The following DNAH11 variants were observed in gnomAD, a reference collection of about 807,000 sequenced individuals.
DNAH11 encodes dynein axonemal heavy chain 11, also known as axonemal beta dynein heavy chain 11.
DNAH11 carries 442 observed loss-of-function variants against 526.0 expected under a neutral mutation model. The ratio of observed to expected loss-of-function variants is 0.84; its 90% CI spans 0.78 to 0.91. The LOEUF (loss-of-function observed/expected upper bound fraction) is 0.91, where lower values mean the gene tolerates loss of function less well. Among genes scored for constraint, DNAH11 ranks in the 40% least tolerant of loss-of-function variants. The probability of loss-of-function intolerance (pLI) is 0.00; values close to 1 mark genes in which losing one functional copy is unlikely to be tolerated. For synonymous variants in DNAH11, 2,461 were observed against 1,935.9 expected, an observed-to-expected ratio of 1.27 and a Z score of -7.12; for missense variants, 6,989 against 5,448.7, an observed-to-expected ratio of 1.28 and a Z score of -8.90.
At chr7:21,556,891 G>C (rs75710520) in intron 2 of DNAH11, among the ~76,000 whole-genome samples, 2 of 152,082 alleles carry the variant, frequency 1.3e-5, no homozygotes, top group Non-Finnish European at 2.9e-5. Flanking sequence ...GCAAAATCTC[G>C]TCTCTACTAA....
intron 42 of DNAH11, among the ~76,000 whole-genome samples, chr7:21,712,417 G>C (rs1413590413): frequency 1.3e-5 from 2 of 152,118 alleles, no homozygotes; most frequent in African/African-American, 4.8e-5. Flanking sequence ...TAGATCATAT[G>C]TTAATTCTAA....
chr7:21,849,745 C>G (rs537366879), intron 66 of DNAH11, among the ~76,000 whole-genome samples: 10 of 152,052 alleles, frequency 6.6e-5, no homozygotes, highest in African/African-American at 2.4e-4. Flanking sequence ...AAGATTTTGT[C>G]TTTGTCTTTG....
intron 28 of DNAH11, among the ~76,000 whole-genome samples, chr7:21,640,380 A>G (rs1787070078): frequency 6.6e-6 from 1 of 152,204 alleles, no homozygotes; most frequent in South Asian, 2.1e-4. Flanking sequence ...TGAGGGTAGC[A>G]GGTATTGTAT....
At position 21,842,685 on chromosome 7, in the gene DNAH11, T is replaced by C. The variant is rs377069345; in HGVS notation, c.10833T>C (p.Gly3611=). Residue 3611 remains glycine, a synonymous_variant, in exon 66 of 82, where the codon GGT becomes GGC. Coordinates refer to ENST00000409508, the MANE Select transcript of DNAH11 (RefSeq NM_001277115.2). The part of the protein sequence containing the change: ...TLLNFTVTED[G]LEAQLLAEVV... The stretch of plus-strand genomic sequence containing the variant: ...TCAATTTCACAGTCACAGAAGATGG[T>C]CTAGAAGCCCAGCTGCTGGCAGAGG... 14 of 1,613,822 alleles carry C rather than the reference T, an allele frequency of 8.7e-6. No individual in the cohort carries two copies. The highest frequency in any genetic ancestry group is 1.2e-5 in the Non-Finnish European group (14 of 1,179,804).
Position 21,558,931 on chromosome 7 carries a change from A to G in DNAH11, c.625A>G (p.Arg209Gly), listed in dbSNP as rs1426744584. The G allele has an allele frequency of 6.3e-7, 1 of 1,598,100 alleles. No individual in the cohort carries two copies. Among genetic ancestry groups the G allele is most frequent in the South Asian group, 1.1e-5 (1 of 88,128 alleles). ...MYIFRGKMSR[R>G]TLLPIPTVAG... The stretch of plus-strand genomic sequence containing the variant: ...TATTTTTAGGGGCAAAATGTCTAGA[A>G]GAACTCTTCTACCAATTCCCACTGT... The change falls in exon 3 of 82, where the codon AGA (arginine) becomes GGA (glycine). Residue 209 changes from arginine (R) to glycine (G), a missense_variant. Transcript: ENST00000409508.
intron 25 of DNAH11, among the ~76,000 whole-genome samples, chr7:21,631,650 A>G (rs913714056): frequency 3.3e-5 from 5 of 150,994 alleles, no homozygotes; most frequent in African/African-American, 1.2e-4. Context: ...CTTTGACTCC[A>G]TGTTTCACAT....
At chr7:21,724,227 A>C (rs113713446) in intron 44 of DNAH11, among the ~76,000 whole-genome samples, 54 of 152,364 alleles carry the variant, frequency 3.5e-4, no homozygotes, top group African/African-American at 1.3e-3. Flanking sequence ...TCCTGGCTCA[A>C]GACCAACTTT....
intron 57 of DNAH11, among the ~76,000 whole-genome samples, chr7:21,782,629 T>C (rs937792124): frequency 1.3e-5 from 2 of 152,186 alleles, no homozygotes; most frequent in South Asian, 2.1e-4. Flanking sequence ...AATGGCACTT[T>C]AGCAAGACGC....
Position 21,589,368 on chromosome 7 carries a change from A to G in DNAH11, c.2134A>G (p.Ile712Val), listed in dbSNP as rs1331759754. 9 of 1,608,950 alleles carry G rather than the reference A, an allele frequency of 5.6e-6. No homozygotes were observed. The highest frequency in any genetic ancestry group is 2.7e-5 in the African/African-American group (2 of 74,694). The change falls in exon 12 of 82, where the codon ATA (isoleucine) becomes GTA (valine). Residue 712 changes from isoleucine to valine, a missense_variant. Ile to Val is a conservative substitution (Grantham distance 29). Coordinates refer to ENST00000409508, the MANE Select transcript of DNAH11 (RefSeq NM_001277115.2). ...TCAACCCTTGGTTAAATTCAGTGCCATAAATGGTCTTCTCTGTGTCAATTT... is the reference window on the plus strand; with the variant it reads ...TCAACCCTTGGTTAAATTCAGTGCCGTAAATGGTCTTCTCTGTGTCAATTT... ...LNQPLVKFSA[I>V]NGLLCVNFDP...
chr7:21,710,715 C>G lies in DNAH11; in HGVS notation c.6834+12C>G, dbSNP rs1354093194. 2.5e-6 allele frequency: 4 copies of G among 1,605,454 alleles called. No homozygotes were observed. Among genetic ancestry groups the G allele is most frequent in the Non-Finnish European group, 3.4e-6 (4 of 1,176,060 alleles). On this transcript the variant is annotated intron_variant, in intron 41 of 81. Coordinates refer to ENST00000409508, the MANE Select transcript of DNAH11 (RefSeq NM_001277115.2). Reference sequence around the variant, plus strand: ...TGGATGATAACAAGGTGAATAAAACCTCTGTTCTCAACCTTAAATATAACA... The same window carrying G: ...TGGATGATAACAAGGTGAATAAAACGTCTGTTCTCAACCTTAAATATAACA...
intron 66 of DNAH11, chr7:21,851,220 G>A: frequency 4.6e-6 from 1 of 217,664 alleles, no homozygotes; most frequent in South Asian, 7.9e-5. Flanking sequence ...GTTCTCATAA[G>A]ATCTGATGGT....
intron 8 of DNAH11, among the ~76,000 whole-genome samples, chr7:21,579,137 C>T (rs62441677): frequency 0.22 from 33,079 of 152,124 alleles, 3,847 homozygotes; most frequent in African/African-American, 0.27. Flanking sequence ...GCCTTTTAGA[C>T]ACTAAGTCAA....
chr7:21,700,757 C>T (rs1188273726), intron 36 of DNAH11, among the ~76,000 whole-genome samples: 1 of 152,122 alleles, frequency 6.6e-6, no homozygotes, highest in Non-Finnish European at 1.5e-5. Context: ...GGTACATATA[C>T]ACCATGGAAT....
chr7:21,674,096 G>T (rs935543301), intron 30 of DNAH11, among the ~76,000 whole-genome samples: 3 of 151,250 alleles, frequency 2.0e-5, no homozygotes, highest in Admixed American at 1.3e-4. Context: ...GTTTCACCCT[G>T]TCGCCCAGGC....
At chr7:21,748,855 A>G (rs1012342869) in intron 52 of DNAH11, 113 bp downstream of exon 52, 3 of 1,097,892 alleles carry the variant, frequency 2.7e-6, no homozygotes, top group South Asian at 2.4e-5. Flanking sequence ...GGCCTCCCCA[A>G]CCACGGGAGA....
At chr7:21,648,408 A>T (rs567032287) in intron 28 of DNAH11, among the ~76,000 whole-genome samples, 2 of 152,254 alleles carry the variant, frequency 1.3e-5, no homozygotes, top group African/African-American at 4.8e-5. Context: ...AAGCTTGAAA[A>T]TTTTTTGTAT....
At position 21,606,762 on chromosome 7, in the gene DNAH11, C is replaced by T. The variant is rs180916870; in HGVS notation, c.3852+29C>T. On this transcript the variant is annotated intron_variant, in intron 20 of 81. Transcript: ENST00000409508. Reference sequence around the variant, plus strand: ...ATACAGATCTCAAATATCCTGTGTGCATTAAAATAGCTACTTTAAAAAATG... The same window carrying T: ...ATACAGATCTCAAATATCCTGTGTGTATTAAAATAGCTACTTTAAAAAATG... 34 of 1,531,220 alleles carry T rather than the reference C, an allele frequency of 2.2e-5. No homozygotes were observed. The East Asian group carries it at 6.1e-4, about 28-fold the overall frequency. The allele number at this position is 1,531,220 out of a possible 1,614,324, so 94.9% of individuals were successfully genotyped here.
chr7:21,669,657 T>TTGTGTG (rs58030631), intron 30 of DNAH11, among the ~76,000 whole-genome samples: 1 of 149,804 alleles, frequency 6.7e-6, no homozygotes, highest in Non-Finnish European at 1.5e-5. Context: ...GTTTTTCTTT[T>TTGTGTG]TGTGTGTGTG....
chr7:21,777,656 T>C (rs1462106320), intron 56 of DNAH11, among the ~76,000 whole-genome samples: 1 of 152,214 alleles, frequency 6.6e-6, no homozygotes, highest in Non-Finnish European at 1.5e-5. Flanking sequence ...ATTTTCCTGA[T>C]GGATGATTCT....
Sources: gnomAD v4.1 joint callset for allele counts (sites outside exome capture counted in the v4.1 genomes callset) on GRCh38, gnomAD v4.1.1 for gene constraint, MANE v1.5 for transcripts, NCBI Gene and HGNC (gene_info 2026-07-23, HGNC 2026-07-21) for gene names.